The following RNF19B variants were observed in gnomAD, a reference collection of about 807,000 sequenced individuals.
RNF19B encodes the protein E3 ubiquitin-protein ligase RNF19B.
A neutral mutation model predicts 65.5 loss-of-function variants in RNF19B; 23 were observed. The observed-to-expected ratio is 0.35, with a 90% CI of 0.25 to 0.50. The LOEUF (loss-of-function observed/expected upper bound fraction) is 0.50. Among genes scored for constraint, RNF19B ranks in the 20% least tolerant of loss-of-function variants. The pLI, the probability that RNF19B is intolerant of heterozygous loss-of-function variation, is 0.98. For synonymous variants in RNF19B, 372 were observed against 379.6 expected, an observed-to-expected ratio of 0.98 and a Z score of 0.23; for missense variants, 794 against 980.0, an observed-to-expected ratio of 0.81 and a Z score of 2.53.
chr1:32,938,578 GAC>G, intron 7 of RNF19B, 50 bp from the exon 8 acceptor site: 1 of 1,581,368 alleles, frequency 6.3e-7, no homozygotes, highest in South Asian at 1.1e-5. Context: ...GGTATTCCAA[GAC>G]AGTCTGCTTC....
chr1:32,936,542 A>G lies in RNF19B; in HGVS notation c.*264T>C. On this transcript the variant is annotated 3_prime_UTR_variant, in exon 9 of 9. Transcript: ENST00000235150. ...CATACATATGTACACTCTTTGACAC[A>G]CCTCATGGATTGCTGCCATCAGTTT... 2.6e-6 allele frequency: 1 copy of G among 389,666 alleles called. No individual in the cohort carries two copies. The highest frequency in any genetic ancestry group is 4.6e-6 in the Non-Finnish European group (1 of 216,432). 24.1% of individuals were successfully genotyped at this position (389,666 alleles called of 1,614,324 possible).
rs562983603 is a variant in RNF19B at position 32,952,821 on chromosome 1, G to A, written c.636-3047C>T. 3.3e-5 allele frequency among the ~76,000 whole-genome samples: 5 copies of A among 151,744 alleles called. No homozygotes were observed. The East Asian group carries it at 7.7e-4, about 23-fold the overall frequency. ...ACAGCTACTTGGGAGGCTGAGGTGGGAGGACTGCTTGAGGCTGGGAGGTTG... is the reference window on the plus strand; with the variant it reads ...ACAGCTACTTGGGAGGCTGAGGTGGAAGGACTGCTTGAGGCTGGGAGGTTG... On this transcript the variant is annotated intron_variant, in intron 1 of 8. Transcript: ENST00000235150.
intron 1 of RNF19B, among the ~76,000 whole-genome samples, chr1:32,962,418 A>T (rs938200811): frequency 3.3e-5 from 5 of 152,244 alleles, no homozygotes; most frequent in Admixed American, 2.0e-4. Context: ...TATTAACTGA[A>T]AGTGAAAGTG....
intron 1 of RNF19B, among the ~76,000 whole-genome samples, chr1:32,952,286 A>G (rs1405448671): frequency 6.6e-6 from 1 of 152,086 alleles, no homozygotes; most frequent in Admixed American, 6.6e-5. Flanking sequence ...AACAAGAAAT[A>G]TAATACTTGT....
At chr1:32,951,233 T>C (rs547068969) in intron 1 of RNF19B, among the ~76,000 whole-genome samples, 1 of 152,356 alleles carries the variant, frequency 6.6e-6, no homozygotes, top group East Asian at 1.9e-4. Context: ...TTGTATTTTT[T>C]AAAAAATCCA....
chr1:32,964,280 T>G lies in RNF19B; in HGVS notation c.406A>C (p.Ser136Arg). The change falls in exon 1 of 9, where the codon AGC becomes CGC. Residue 136 changes from serine (S) to arginine (R), a missense_variant. Coordinates refer to ENST00000235150, the MANE Select transcript of RNF19B (RefSeq NM_001300826.2). The surrounding 1 kb of genome is among the most constrained non-coding windows in gnomAD (Gnocchi z 6.5). ...TCCCGGCACGAGCGGTGCGGACAGC[T>G]GAGGAGGCGCGGGGCCCGCTCAGGC... ...LPPERAPRLL[S>R]CPHRSCRDCL... The G allele has an allele frequency of 6.5e-7, 1 of 1,530,170 alleles. No homozygotes were observed. The highest frequency in any genetic ancestry group is 8.8e-7 in the Non-Finnish European group (1 of 1,141,262). 94.8% of individuals were successfully genotyped at this position (1,530,170 alleles called of 1,614,324 possible). A position where few individuals can be genotyped will look rare whatever the true frequency, so the allele number is the denominator to read the frequency against.
chr1:32,949,899 T>C (rs1642451755), intron 1 of RNF19B, 125 bp from the exon 2 acceptor site: 1 of 687,866 alleles, frequency 1.5e-6, no homozygotes, highest in South Asian at 1.7e-5. Flanking sequence ...GAGAAAAGAA[T>C]ACACATACAC....
At chr1:32,952,907 T>C (rs1158062156) in intron 1 of RNF19B, among the ~76,000 whole-genome samples, 1 of 151,580 alleles carries the variant, frequency 6.6e-6, no homozygotes, top group East Asian at 1.9e-4. Flanking sequence ...AGTGAGATTC[T>C]GTCTAAAAAA....
rs374013969 is a variant in RNF19B at position 32,955,266 on chromosome 1, TCTC to T, written c.636-5495_636-5493del. ...ACCTTCCCTAGGACATTCTAGGTCT[TCTC>T]CTAGGCCATCACTCTGCTCTAAAGC... On this transcript the variant is annotated intron_variant, in intron 1 of 8. Transcript: ENST00000235150. 4.6e-5 allele frequency among the ~76,000 whole-genome samples: 7 copies of T among 152,200 alleles called. No homozygotes were observed. In the South Asian group the frequency reaches 8.3e-4, roughly 18 times the overall value.
rs1458449290 is a variant in RNF19B, at chr1:32,955,558, C to T, written c.636-5784G>A. Among the ~76,000 whole-genome samples the T allele has an allele frequency of 3.4e-5, 5 of 148,746 alleles. 1 individual carries two copies. Among genetic ancestry groups the T allele is most frequent in the Non-Finnish European group, 7.6e-5 (5 of 66,188 alleles). The stretch of plus-strand genomic sequence containing the variant: ...CAGTCTGGGCAACATGGCAAAACCC[C>T]ATCTCTACAAAAAAAAAAAATACAA... On this transcript the variant is annotated intron_variant, in intron 1 of 8. Transcript: ENST00000235150.
chr1:32,932,335 G>C (rs1043951816), downstream of RNF19B, among the ~76,000 whole-genome samples: 3 of 152,204 alleles, frequency 2.0e-5, no homozygotes, highest in Non-Finnish European at 2.9e-5. Context: ...ATGGCTATTA[G>C]AATGCAGTTA....
the RNF19B span, among the ~76,000 whole-genome samples, chr1:32,930,758 C>T: frequency 6.6e-6 from 1 of 152,086 alleles, no homozygotes; most frequent in African/African-American, 2.4e-5. Context: ...CTGTATAGGC[C>T]ACTTTTAAGT....
intron 8 of RNF19B, 27 bp downstream of exon 8, chr1:32,938,370 C>T (rs377298663): frequency 6.8e-6 from 11 of 1,613,850 alleles, no homozygotes; most frequent in African/African-American, 2.7e-5. Context: ...AATGCAACCT[C>T]TCCTGGACAT....
chr1:32,959,563 AT>A (rs1351762530), intron 1 of RNF19B, among the ~76,000 whole-genome samples: 1 of 152,214 alleles, frequency 6.6e-6, no homozygotes, highest in East Asian at 1.9e-4. Context: ...TTTCTCCTTT[AT>A]AAAATGCACG....
intron 1 of RNF19B, among the ~76,000 whole-genome samples, chr1:32,951,536 G>C (rs978163190): frequency 6.6e-6 from 1 of 152,262 alleles, no homozygotes; most frequent in Non-Finnish European, 1.5e-5. Flanking sequence ...CAGTCAGGCA[G>C]TTGGAAAGCA....
At chr1:32,929,746 T>A in the RNF19B span, among the ~76,000 whole-genome samples, 1 of 152,170 alleles carries the variant, frequency 6.6e-6, no homozygotes, top group African/African-American at 2.4e-5. Context: ...CAGGCCTCTA[T>A]TTGCCAGACC....
chr1:32,938,618 T>C (rs1267092802), intron 7 of RNF19B, 90 bp from the exon 8 acceptor site: 27 of 1,346,242 alleles, frequency 2.0e-5, no homozygotes, highest in Non-Finnish European at 2.8e-5. Context: ...CATTACTCTC[T>C]TGCAAATTGT....
the RNF19B span, among the ~76,000 whole-genome samples, chr1:32,930,660 A>G: frequency 1.2e-4 from 18 of 152,184 alleles, no homozygotes; most frequent in African/African-American, 3.9e-4. Flanking sequence ...CTCCCACCTC[A>G]GCCTCCCAGA....
chr1:32,931,672 CT>C (rs1422821981), downstream of RNF19B, among the ~76,000 whole-genome samples: 2 of 152,232 alleles, frequency 1.3e-5, no homozygotes, highest in African/African-American at 2.4e-5. Context: ...AGCCTTGCGG[CT>C]ACAAAAGATA....
Sources: gnomAD v4.1 joint callset for allele counts (sites outside exome capture counted in the v4.1 genomes callset) on GRCh38, gnomAD v4.1.1 for gene constraint, Gnocchi (gnomAD v3.1) non-coding constraint, MANE v1.5 for transcripts, NCBI Gene and HGNC (gene_info 2026-07-23, HGNC 2026-07-21) for gene names.